The following MS4A3 variants were observed in gnomAD, a reference collection of about 807,000 sequenced individuals.
The protein encoded by MS4A3 is membrane spanning 4-domains A3, also known as membrane-spanning 4-domains subfamily A member 3.
MS4A3 carries 18 observed loss-of-function variants against 24.7 expected under a neutral mutation model. The ratio of observed to expected loss-of-function variants is 0.73; its 90% CI spans 0.50 to 1.08. The LOEUF (loss-of-function observed/expected upper bound fraction) is 1.08, where lower values mean the gene tolerates loss of function less well. Among genes scored for constraint, MS4A3 ranks in the 50% least tolerant of loss-of-function variants. The pLI, the probability that MS4A3 is intolerant of heterozygous loss-of-function variation, is 0.00. For missense variants in MS4A3, 282 were observed against 251.7 expected, an observed-to-expected ratio of 1.12 and a Z score of -0.82; for synonymous variants, 84 against 95.3, an observed-to-expected ratio of 0.88 and a Z score of 0.69.
chr11:60,060,319 A>G (rs140579016), intron 1 of MS4A3, among the ~76,000 whole-genome samples: 202 of 152,312 alleles, frequency 1.3e-3, no homozygotes, highest in African/African-American at 4.5e-3. Flanking sequence ...TCCCACTACA[A>G]GGTCATGCAA....
At chr11:60,068,064 AT>A (rs1189675366) in intron 5 of MS4A3, among the ~76,000 whole-genome samples, 7 of 151,782 alleles carry the variant, frequency 4.6e-5, no homozygotes, top group African/African-American at 1.7e-4. Flanking sequence ...AAATAAAAAA[AT>A]AAAAAAATAA....
chr11:60,064,987 A>T (rs1251062228), intron 4 of MS4A3, among the ~76,000 whole-genome samples: 1 of 152,162 alleles, frequency 6.6e-6, no homozygotes, highest in Non-Finnish European at 1.5e-5. Flanking sequence ...CTACTTGAGT[A>T]TAAGATTCCA....
At chr11:60,067,235 C>T (rs917564621) in intron 5 of MS4A3, 123 bp downstream of exon 5, 55 of 665,994 alleles carry the variant, frequency 8.3e-5, no homozygotes, top group South Asian at 5.6e-4. Context: ...TTTTTTGAGA[C>T]GGAGTCTCGC....
chr11:60,069,469 C>A, intron 5 of MS4A3, 105 bp from the exon 6 acceptor site: 1 of 717,880 alleles, frequency 1.4e-6, no homozygotes, highest in Non-Finnish European at 2.5e-6. Context: ...TCACTTTGTT[C>A]CACTTTACGG....
intron 2 of MS4A3, 41 bp downstream of exon 2, chr11:60,061,357 A>G (rs760675563): frequency 1.3e-6 from 2 of 1,569,934 alleles, no homozygotes; most frequent in African/African-American, 1.4e-5. Context: ...AAGAGGGAAG[A>G]AAATAAATAC....
Position 60,058,506 on chromosome 11 carries a change from C to CAAAAAAAA in MS4A3, c.-16+1795_-16+1802dup, listed in dbSNP as rs58722616. Among the ~76,000 whole-genome samples the CAAAAAAAA allele has an allele frequency of 7.8e-3, 139 of 17,888 alleles. 54 individuals are homozygous for CAAAAAAAA. The highest frequency in any genetic ancestry group is 0.036 in the East Asian group (8 of 220). 11.7% of individuals were successfully genotyped at this position (17,888 alleles called of 152,430 possible). On this transcript the variant is annotated intron_variant, in intron 1 of 6. Transcript: ENST00000278865. ...TGGGAGACAGAGCAAAGCTCCAACT[C>CAAAAAAAA]AAAAAAAAAAAAAAAAAAAAAAAAA...
At chr11:60,068,995 T>C (rs1376208539) in intron 5 of MS4A3, among the ~76,000 whole-genome samples, 2 of 152,232 alleles carry the variant, frequency 1.3e-5, no homozygotes, top group African/African-American at 4.8e-5. Flanking sequence ...TTTTTAATGA[T>C]CTAAATTTAT....
At chr11:60,061,117 G>A (rs755966268) in intron 1 of MS4A3, 29 bp from the exon 2 acceptor site, 1 of 1,525,614 alleles carries the variant, frequency 6.6e-7, no homozygotes, top group East Asian at 2.3e-5. Flanking sequence ...GGGAAAGCAT[G>A]AAGGCTTTGG....
At chr11:60,064,121 C>A (rs1483305322) in intron 3 of MS4A3, 141 bp from the exon 4 acceptor site, 4 of 368,248 alleles carry the variant, frequency 1.1e-5, no homozygotes, top group Non-Finnish European at 2.0e-5. Context: ...GCATCAAGTA[C>A]AATTCTGTGT....
intron 1 of MS4A3, among the ~76,000 whole-genome samples, chr11:60,060,340 A>G (rs1855251438): frequency 6.6e-6 from 1 of 152,198 alleles, no homozygotes; most frequent in African/African-American, 2.4e-5. Flanking sequence ...CTAGTAAGTG[A>G]TGAAATCTGG....
At chr11:60,059,593 C>T (rs961833958) in intron 1 of MS4A3, among the ~76,000 whole-genome samples, 3 of 152,048 alleles carry the variant, frequency 2.0e-5, no homozygotes, top group Non-Finnish European at 4.4e-5. Context: ...TCCATTTGTT[C>T]TTAGCATTTA....
rs974221007 is a variant in MS4A3 at position 60,070,190 on chromosome 11, G to A, written c.616-14G>A. The stretch of plus-strand genomic sequence containing the variant: ...GATCCTGTTCTTGGACATTAATGTT[G>A]TTTTATTTTCTAGGAAATTTCCTCA... On this transcript the variant is annotated splice_polypyrimidine_tract_variant and intron_variant, in intron 6 of 6. Coordinates refer to ENST00000278865, the MANE Select transcript of MS4A3 (RefSeq NM_006138.5). The A allele has an allele frequency of 7.5e-6, 12 of 1,595,696 alleles. No individual in the cohort carries two copies. The highest frequency in any genetic ancestry group is 1.7e-5 in the Admixed American group (1 of 59,860).
intron 1 of MS4A3, among the ~76,000 whole-genome samples, chr11:60,058,661 G>A (rs1431072799): frequency 6.6e-6 from 1 of 151,828 alleles, no homozygotes; most frequent in African/African-American, 2.4e-5. Flanking sequence ...TCTGAAGGAA[G>A]ACAAATCAAG....
At chr11:60,057,552 G>A (rs976225249) in intron 1 of MS4A3, among the ~76,000 whole-genome samples, 13 of 152,126 alleles carry the variant, frequency 8.5e-5, no homozygotes, top group African/African-American at 1.7e-4. Flanking sequence ...TTACAGGCGC[G>A]TGCTGTCACA....
At chr11:60,059,771 C>G (rs1855243174) in intron 1 of MS4A3, among the ~76,000 whole-genome samples, 2 of 152,154 alleles carry the variant, frequency 1.3e-5, no homozygotes, top group Non-Finnish European at 2.9e-5. Flanking sequence ...TTTTCTTCAT[C>G]CAGTCTACAA....
At chr11:60,061,470 C>A (rs751027055) in intron 2 of MS4A3, 154 bp downstream of exon 2, 11 of 841,862 alleles carry the variant, frequency 1.3e-5, no homozygotes, top group East Asian at 1.1e-4. Context: ...ACAACCCCTG[C>A]TCTCCCTCTT....
chr11:60,070,390 G>A lies in MS4A3; in HGVS notation c.*157G>A, dbSNP rs1855456204. The A allele has an allele frequency of 1.7e-6, 1 of 596,046 alleles. No homozygotes were observed. The highest frequency in any genetic ancestry group is 1.9e-5 in the African/African-American group (1 of 52,160). 36.9% of individuals were successfully genotyped at this position (596,046 alleles called of 1,614,324 possible). A position where few individuals can be genotyped will look rare whatever the true frequency, so the allele number is the denominator to read the frequency against. On this transcript the variant is annotated 3_prime_UTR_variant, in exon 7 of 7. Transcript: ENST00000278865. ...TCACAAGAACCTTGGACGTTTGACTGACTCTATCCTTTCTCTCCTAACTAT... is the reference window on the plus strand; with the variant it reads ...TCACAAGAACCTTGGACGTTTGACTAACTCTATCCTTTCTCTCCTAACTAT...
rs1409759400 is a variant in MS4A3 at position 60,061,390 on chromosome 11, G to A, written c.156+74G>A. 24 of 1,512,172 alleles carry A rather than the reference G, an allele frequency of 1.6e-5. 1 individual carries two copies. The South Asian group carries it at 1.7e-4, about 10-fold the overall frequency. 93.7% of individuals were successfully genotyped at this position (1,512,172 alleles called of 1,614,324 possible). A position where few individuals can be genotyped will look rare whatever the true frequency, so the allele number is the denominator to read the frequency against. On this transcript the variant is annotated intron_variant, in intron 2 of 6. Coordinates refer to ENST00000278865, the MANE Select transcript of MS4A3 (RefSeq NM_006138.5). The stretch of plus-strand genomic sequence containing the variant: ...TACAGTTGACCTGTGAATAACGTGC[G>A]TTTGAACTGTGAGGATTCCCTTACA...
rs867075319 is a variant in MS4A3 at position 60,061,896 on chromosome 11, G to A, written c.157-572G>A. ...AAAGACAGGGACTTCTTATAGATCT[G>A]GGGAGCAGAAATGCAAAGGCATTTT... On this transcript the variant is annotated intron_variant, in intron 2 of 6. Transcript: ENST00000278865. 1.1e-4 allele frequency among the ~76,000 whole-genome samples: 16 copies of A among 152,294 alleles called. 1 individual carries two copies. Among genetic ancestry groups the A allele is most frequent in the African/African-American group, 3.9e-4 (16 of 41,554 alleles).
Sources: allele counts gnomAD v4.1 joint callset (sites outside exome capture counted in the v4.1 genomes callset), GRCh38; gene constraint gnomAD v4.1.1; transcripts MANE v1.5; gene names NCBI Gene and HGNC (gene_info 2026-07-23, HGNC 2026-07-21).